The following ELMO1 variants were observed in gnomAD, a reference collection of about 807,000 sequenced individuals.
ELMO1 encodes the protein engulfment and cell motility protein 1.
ELMO1 carries 26 observed loss-of-function variants against 98.9 expected under a neutral mutation model. The observed-to-expected ratio is 0.26, with a 90% confidence interval of 0.19 to 0.36. The LOEUF is 0.36. ELMO1 is among the 10% of genes least tolerant of loss of function. The pLI, the probability that ELMO1 is intolerant of heterozygous loss-of-function variation, is 1.00. For missense variants in ELMO1, 627 were observed against 935.2 expected (o/e 0.67, Z 4.30); for synonymous variants, 346 against 346.0 (o/e 1.00, Z 0.00).
intron 14 of ELMO1, among the ~76,000 whole-genome samples, chr7:37,125,116 AC>A (rs1384767700): frequency 6.6e-6 from 1 of 152,106 alleles, no homozygotes; most frequent in Non-Finnish European, 1.5e-5. Flanking sequence ...CCTTCCTTAC[AC>A]CTTATACAAA....
intron 13 of ELMO1, among the ~76,000 whole-genome samples, chr7:37,182,515 C>T (rs1201882503): frequency 3.8e-5 from 5 of 133,042 alleles, no homozygotes; most frequent in South Asian, 2.3e-4. Flanking sequence ...TGGTTGCCCA[C>T]GCTGGAGTGC....
chr7:36,878,653 G>A (rs1377043737), intron 18 of ELMO1, among the ~76,000 whole-genome samples: 1 of 152,152 alleles, frequency 6.6e-6, no homozygotes, highest in Admixed American at 6.5e-5. Context: ...AATACACATG[G>A]TGGGTGGGAT....
intron 1 of ELMO1, among the ~76,000 whole-genome samples, chr7:37,362,779 C>A (rs577049632): frequency 6.6e-6 from 1 of 152,344 alleles, no homozygotes; most frequent in African/African-American, 2.4e-5. Flanking sequence ...CACCTTTACA[C>A]CAGATTTCCT....
chr7:37,149,826 GA>G (rs1313268863), intron 13 of ELMO1, among the ~76,000 whole-genome samples: 1 of 152,084 alleles, frequency 6.6e-6, no homozygotes, highest in Admixed American at 6.5e-5. Context: ...AATTAACAAA[GA>G]AATGCTAATA....
rs1186602678 is a variant in ELMO1 at position 37,222,569 on chromosome 7, G to T, written c.780+46C>A. On this transcript the variant is annotated intron_variant, in intron 10 of 21. Transcript: ENST00000310758. The stretch of plus-strand genomic sequence containing the variant: ...GGAGAGGGCGTTCTCTGCACACAAA[G>T]TTCCTAGCCTTGACATAGCCATAAG... 5 of 1,584,392 alleles carry T rather than the reference G, an allele frequency of 3.2e-6. No homozygotes were observed. The African/African-American group carries it at 6.8e-5, about 21-fold the overall frequency.
At chr7:36,985,875 A>G (rs1791462823) in intron 16 of ELMO1, 1 of 993,792 alleles carries the variant, frequency 1.0e-6, no homozygotes, top group Non-Finnish European at 1.2e-6. Flanking sequence ...CATTTAGCTC[A>G]GGCTGATAAT....
intron 14 of ELMO1, among the ~76,000 whole-genome samples, chr7:37,102,352 G>A (rs1468467946): frequency 2.0e-5 from 3 of 152,176 alleles, no homozygotes; most frequent in African/African-American, 4.8e-5. Context: ...ATCAAGTCCA[G>A]AGAATTAAAC....
chr7:36,981,238 G>A (rs1791024508), intron 16 of ELMO1, among the ~76,000 whole-genome samples: 1 of 150,490 alleles, frequency 6.6e-6, no homozygotes, highest in African/African-American at 2.4e-5. Context: ...GTTTGATTTG[G>A]GTGAAATCAT....
At position 37,091,362 on chromosome 7, in the gene ELMO1, C is replaced by T. The variant is rs1052838573; in HGVS notation, c.1300+5257G>A. Reference sequence around the variant, plus strand: ...CCTCAGGTGATCCACCCGCCTCGGCCGCTGAAAGTGCTGGGATTACAGGCG... The same window carrying T: ...CCTCAGGTGATCCACCCGCCTCGGCTGCTGAAAGTGCTGGGATTACAGGCG... On this transcript the variant is annotated intron_variant, in intron 15 of 21. Transcript: ENST00000310758. 7.9e-5 allele frequency among the ~76,000 whole-genome samples: 12 copies of T among 152,126 alleles called. No homozygotes were observed. In the South Asian group the frequency reaches 1.0e-3, roughly 13 times the overall value.
chr7:37,185,671 A>G (rs1345698724), intron 13 of ELMO1, among the ~76,000 whole-genome samples: 1 of 152,230 alleles, frequency 6.6e-6, no homozygotes, highest in Non-Finnish European at 1.5e-5. Context: ...GAAAATTTGA[A>G]GTACTCTTCT....
At chr7:36,868,750 A>G (rs572651037) in intron 20 of ELMO1, among the ~76,000 whole-genome samples, 1 of 152,040 alleles carries the variant, frequency 6.6e-6, no homozygotes, top group East Asian at 1.9e-4. Flanking sequence ...AATTCCCTCT[A>G]TCTTTATTTA....
At chr7:36,942,859 A>G (rs1345359014) in intron 16 of ELMO1, among the ~76,000 whole-genome samples, 6 of 152,230 alleles carry the variant, frequency 3.9e-5, no homozygotes, top group Non-Finnish European at 8.8e-5. Flanking sequence ...GGCCTTTCTC[A>G]GTAACTGATA....
At chr7:37,437,056 AG>A (rs944514106) in intron 1 of ELMO1, among the ~76,000 whole-genome samples, 46 of 152,320 alleles carry the variant, frequency 3.0e-4, no homozygotes, top group African/African-American at 7.2e-4. Context: ...CGATTGAAAA[AG>A]GGACATTTCC....
intron 4 of ELMO1, among the ~76,000 whole-genome samples, chr7:37,285,850 A>G (rs965122244): frequency 5.9e-5 from 9 of 152,204 alleles, no homozygotes; most frequent in African/African-American, 2.2e-4. Context: ...TCCACTTGAG[A>G]TAAGAGACCT....
intron 15 of ELMO1, among the ~76,000 whole-genome samples, chr7:37,076,658 C>G (rs545480306): frequency 6.6e-6 from 1 of 152,354 alleles, no homozygotes; most frequent in African/African-American, 2.4e-5. Context: ...GAATCTGGGG[C>G]TCCATCCCAC....
intron 15 of ELMO1, among the ~76,000 whole-genome samples, chr7:37,026,261 C>G (rs1379649366): frequency 6.6e-6 from 1 of 152,076 alleles, no homozygotes; most frequent in Non-Finnish European, 1.5e-5. Context: ...CACTGAAGAC[C>G]CAGTAAGAAC....
intron 9 of ELMO1, among the ~76,000 whole-genome samples, chr7:37,223,732 T>C (rs956774660): frequency 6.6e-6 from 1 of 152,186 alleles, no homozygotes; most frequent in Non-Finnish European, 1.5e-5. Flanking sequence ...TTTTGAAGAA[T>C]TATGATTCTG....
intron 16 of ELMO1, among the ~76,000 whole-genome samples, chr7:36,911,786 C>A (rs1368073652): frequency 1.3e-5 from 2 of 152,184 alleles, no homozygotes; most frequent in African/African-American, 4.8e-5. Flanking sequence ...GAGCCCACCT[C>A]CCTTGCTCCC....
At chr7:37,346,823 A>T (rs889513532) in intron 1 of ELMO1, among the ~76,000 whole-genome samples, 2 of 152,210 alleles carry the variant, frequency 1.3e-5, no homozygotes, top group Non-Finnish European at 2.9e-5. Flanking sequence ...AGGTCATCTA[A>T]CCTTCTAGGA....
Sources: gnomAD v4.1 joint callset for allele counts (sites outside exome capture counted in the v4.1 genomes callset) on GRCh38, gnomAD v4.1.1 for gene constraint, MANE v1.5 for transcripts, NCBI Gene and HGNC (gene_info 2026-07-23, HGNC 2026-07-21) for gene names.